Variants in GRIK2 observed in about 807,000 individuals in gnomAD.
The protein encoded by GRIK2 is glutamate receptor ionotropic, kainate 2.
Under a neutral mutation model 100.3 loss-of-function variants are expected in GRIK2, and 32 were observed. The observed-to-expected ratio is 0.32, with a 90% confidence interval of 0.24 to 0.43. The LOEUF is 0.43. Among genes scored for constraint, GRIK2 ranks in the 20% least tolerant of loss-of-function variants. The pLI, the probability that GRIK2 is intolerant of heterozygous loss-of-function variation, is 1.00. For missense variants in GRIK2, 843 were observed against 1,114.9 expected, an observed-to-expected ratio of 0.76 and a Z score of 3.47; for synonymous variants, 417 against 389.4, an observed-to-expected ratio of 1.07 and a Z score of -0.83.
intron 10 of GRIK2, among the ~76,000 whole-genome samples, chr6:101,842,519 C>T (rs991414270): frequency 6.6e-6 from 1 of 152,112 alleles, no homozygotes. Flanking sequence ...TACAAGTTCT[C>T]TGTCCTCAAC....
intron 2 of GRIK2, among the ~76,000 whole-genome samples, chr6:101,515,801 A>G (rs1253238704): frequency 6.6e-6 from 1 of 152,054 alleles, no homozygotes; most frequent in Non-Finnish European, 1.5e-5. Flanking sequence ...AGTTTGTTGT[A>G]GATTATGGAT....
At chr6:101,426,478 C>G (rs1240453144) in intron 2 of GRIK2, among the ~76,000 whole-genome samples, 1 of 152,026 alleles carries the variant, frequency 6.6e-6, no homozygotes, top group African/African-American at 2.4e-5. Flanking sequence ...TATCCCCCCT[C>G]CTCCCTACAC....
intron 4 of GRIK2, among the ~76,000 whole-genome samples, chr6:101,636,353 G>C (rs1384059937): frequency 2.0e-5 from 3 of 152,044 alleles, no homozygotes; most frequent in Non-Finnish European, 2.9e-5. Flanking sequence ...CCTGTCAGGG[G>C]GTGAGGGAGT....
At chr6:101,584,077 G>A (rs1778231493) in intron 2 of GRIK2, among the ~76,000 whole-genome samples, 1 of 151,876 alleles carries the variant, frequency 6.6e-6, no homozygotes, top group Non-Finnish European at 1.5e-5. Flanking sequence ...TGTTTTGTGT[G>A]TATGTACTAT....
At chr6:101,699,380 C>T (rs1263289623) in intron 7 of GRIK2, among the ~76,000 whole-genome samples, 1 of 152,090 alleles carries the variant, frequency 6.6e-6, no homozygotes, top group African/African-American at 2.4e-5. Flanking sequence ...TTATCTGGTT[C>T]TTTATGCAAC....
At chr6:101,572,657 T>C (rs1777592092) in intron 2 of GRIK2, among the ~76,000 whole-genome samples, 1 of 151,728 alleles carries the variant, frequency 6.6e-6, no homozygotes, top group Admixed American at 6.6e-5. Context: ...CTTTCTATGC[T>C]GTAGTTCAAA....
At position 102,009,574 on chromosome 6, in the gene GRIK2, GC is replaced by G. The variant is rs1051884748; in HGVS notation, c.2086-25766del. On this transcript the variant is annotated intron_variant, in intron 14 of 16. Transcript: ENST00000369134. ...TAAAGGGAAGTAATAGACTGACAAG[GC>G]TTTTAGATGTAAGAAAATGTCTTCT... is the stretch of plus-strand genomic sequence containing the variant. Among the ~76,000 whole-genome samples the G allele has an allele frequency of 1.1e-4, 17 of 152,046 alleles. 1 individual carries two copies. Among genetic ancestry groups the G allele is most frequent in the African/African-American group, 4.1e-4 (17 of 41,408 alleles).
At chr6:101,602,951 T>C (rs1013011069) in intron 2 of GRIK2, among the ~76,000 whole-genome samples, 6 of 151,746 alleles carry the variant, frequency 4.0e-5, no homozygotes, top group African/African-American at 1.4e-4. Context: ...ATCTCTATCT[T>C]CTCTATATCT....
chr6:101,734,614 C>A (rs1438433529), intron 7 of GRIK2, among the ~76,000 whole-genome samples: 5 of 152,010 alleles, frequency 3.3e-5, no homozygotes, highest in Admixed American at 3.3e-4. Flanking sequence ...ATATAATTAA[C>A]CATCACAGGG....
intron 4 of GRIK2, among the ~76,000 whole-genome samples, chr6:101,670,485 T>C (rs185594045): frequency 5.8e-4 from 88 of 152,204 alleles, no homozygotes; most frequent in Admixed American, 2.8e-3. Flanking sequence ...ACTATCAACA[T>C]GAGCTCTTAA....
At chr6:101,693,226 T>A (rs1226116355) in intron 7 of GRIK2, among the ~76,000 whole-genome samples, 2 of 152,076 alleles carry the variant, frequency 1.3e-5, no homozygotes, top group Admixed American at 1.3e-4. Flanking sequence ...ATCTTTATGG[T>A]CATATTATTT....
intron 10 of GRIK2, among the ~76,000 whole-genome samples, chr6:101,857,131 T>TG (rs1388017005): frequency 3.3e-5 from 5 of 151,978 alleles, no homozygotes; most frequent in Non-Finnish European, 7.4e-5. Flanking sequence ...AAAAATGGTG[T>TG]GGGGACAGCA....
At chr6:101,933,179 G>C (rs997740746) in intron 14 of GRIK2, among the ~76,000 whole-genome samples, 11 of 151,944 alleles carry the variant, frequency 7.2e-5, no homozygotes, top group African/African-American at 2.7e-4. Context: ...TGGCCACGTT[G>C]AGAAAATTTT....
intron 7 of GRIK2, among the ~76,000 whole-genome samples, chr6:101,786,401 C>A (rs761110279): frequency 6.6e-6 from 1 of 151,856 alleles, no homozygotes; most frequent in Non-Finnish European, 1.5e-5. Flanking sequence ...AGGATTTCAG[C>A]TTTTTCCCAT....
chr6:101,758,457 G>T (rs2128388481), intron 7 of GRIK2, among the ~76,000 whole-genome samples: 1 of 152,186 alleles, frequency 6.6e-6, no homozygotes, highest in African/African-American at 2.4e-5. Context: ...AGTGCACATT[G>T]TTTATAGTTA....
intron 11 of GRIK2, among the ~76,000 whole-genome samples, chr6:101,878,642 C>T (rs777359090): frequency 2.0e-5 from 3 of 151,994 alleles, no homozygotes; most frequent in African/African-American, 4.8e-5. Context: ...GCTCTGTTGA[C>T]TTTCTGACTT....
chr6:101,980,125 C>T (rs965667139), intron 14 of GRIK2, among the ~76,000 whole-genome samples: 1 of 151,956 alleles, frequency 6.6e-6, no homozygotes, highest in Non-Finnish European at 1.5e-5. Flanking sequence ...GGATAAGGAT[C>T]TGAAGCCTGC....
intron 5 of GRIK2, among the ~76,000 whole-genome samples, chr6:101,679,729 T>C (rs1206305468): frequency 6.6e-6 from 1 of 152,160 alleles, no homozygotes; most frequent in Non-Finnish European, 1.5e-5. Context: ...AACTACTATT[T>C]CTACCTCCAA....
chr6:102,049,526 G>A (rs1038179307), intron 15 of GRIK2, among the ~76,000 whole-genome samples: 2 of 152,000 alleles, frequency 1.3e-5, no homozygotes. Flanking sequence ...AATTTTTTCT[G>A]TTCTTTCCTT....
Sources: gnomAD v4.1 joint callset for allele counts (sites outside exome capture counted in the v4.1 genomes callset) on GRCh38, gnomAD v4.1.1 for gene constraint, MANE v1.5 for transcripts, NCBI Gene and HGNC (gene_info 2026-07-23, HGNC 2026-07-21) for gene names.